CSMD1: variants seen among roughly 807,000 people sequenced by gnomAD.
CSMD1 encodes the protein CUB and Sushi multiple domains 1.
CSMD1 carries 213 observed loss-of-function variants against 417.5 expected under a neutral mutation model. The observed-to-expected ratio is 0.51, with a 90% CI of 0.46 to 0.57. The LOEUF (loss-of-function observed/expected upper bound fraction) is 0.57, where lower values mean the gene tolerates loss of function less well. CSMD1 is among the 20% of genes least tolerant of loss of function. The pLI, the probability that CSMD1 is intolerant of heterozygous loss-of-function variation, is 0.00. For synonymous variants in CSMD1, 2,862 were observed against 1,736.8 expected (o/e 1.65, Z -16.11); for missense variants, 6,923 against 4,529.7 (o/e 1.53, Z -15.17).
At chr8:3,745,623 C>A (rs1157909860) in intron 6 of CSMD1, among the ~76,000 whole-genome samples, 1 of 152,206 alleles carries the variant, frequency 6.6e-6, no homozygotes, top group Non-Finnish European at 1.5e-5. Context: ...GAGCACTCCA[C>A]TGAGACTCTG....
intron 49 of CSMD1, among the ~76,000 whole-genome samples, chr8:3,084,935 G>A (rs1814414331): frequency 6.6e-6 from 1 of 151,246 alleles, no homozygotes; most frequent in Non-Finnish European, 1.5e-5. Flanking sequence ...TATATATAAT[G>A]AAAATAATTT....
chr8:4,008,531 G>A (rs1051993501), intron 4 of CSMD1, among the ~76,000 whole-genome samples: 2 of 142,366 alleles, frequency 1.4e-5, no homozygotes, highest in African/African-American at 5.2e-5. Context: ...ATTGTTGAAA[G>A]TTACAGATAA....
chr8:4,684,045 A>T (rs750532791), intron 1 of CSMD1, among the ~76,000 whole-genome samples: 19 of 152,334 alleles, frequency 1.2e-4, no homozygotes, highest in Non-Finnish European at 2.5e-4. Flanking sequence ...ATGGCATTTT[A>T]CAATTTTTGT....
chr8:4,842,484 G>A (rs1563563024), intron 1 of CSMD1, among the ~76,000 whole-genome samples: 1 of 152,142 alleles, frequency 6.6e-6, no homozygotes, highest in African/African-American at 2.4e-5. Context: ...CAGATGCAAT[G>A]GATAGTTTCA....
At chr8:4,456,836 G>T (rs938863360) in intron 2 of CSMD1, among the ~76,000 whole-genome samples, 1 of 152,020 alleles carries the variant, frequency 6.6e-6, no homozygotes. Flanking sequence ...GTACCTGCAG[G>T]ACCCATCCTG....
intron 7 of CSMD1, among the ~76,000 whole-genome samples, chr8:3,653,791 G>T (rs566662472): frequency 6.6e-6 from 1 of 152,120 alleles, no homozygotes; most frequent in Admixed American, 6.6e-5. Flanking sequence ...TCCCTAACTC[G>T]TGACACAAGT....
chr8:3,112,120 T>A (rs909703958), intron 42 of CSMD1, among the ~76,000 whole-genome samples: 4 of 151,080 alleles, frequency 2.6e-5, no homozygotes, highest in Admixed American at 2.0e-4. Context: ...AGGGTCTGCA[T>A]CTCCTCCCAC....
At chr8:4,909,807 C>G (rs890890072) in intron 1 of CSMD1, among the ~76,000 whole-genome samples, 3 of 152,158 alleles carry the variant, frequency 2.0e-5, no homozygotes, top group African/African-American at 7.2e-5. Context: ...GTGGACCCAC[C>G]TGTCCTTCAT....
chr8:4,648,995 A>G (rs1443044668), intron 1 of CSMD1, among the ~76,000 whole-genome samples: 1 of 152,218 alleles, frequency 6.6e-6, no homozygotes, highest in African/African-American at 2.4e-5. Context: ...TGCCTTCAAT[A>G]AACATATCTA....
intron 41 of CSMD1, among the ~76,000 whole-genome samples, chr8:3,132,761 T>G (rs536986472): frequency 6.6e-6 from 1 of 152,274 alleles, no homozygotes; most frequent in East Asian, 1.9e-4. Flanking sequence ...TCCCTCACTC[T>G]CTCCTAATTT....
intron 2 of CSMD1, among the ~76,000 whole-genome samples, chr8:4,544,912 T>G (rs75631245): frequency 0.013 from 2,025 of 152,354 alleles, 13 homozygotes; most frequent in Middle Eastern, 0.027. Context: ...ATGTTCCACT[T>G]ACATTGAAAT....
rs73500665 is a variant in CSMD1, at chr8:4,287,612, T to C, written c.415+132341A>G. Among the ~76,000 whole-genome samples the C allele has an allele frequency of 2.4e-3, 368 of 151,962 alleles. 2 individuals are homozygous for C. Among genetic ancestry groups the C allele is most frequent in the African/African-American group, 8.6e-3 (356 of 41,494 alleles). On this transcript the variant is annotated intron_variant, in intron 3 of 69. Transcript: ENST00000635120. ...CTTCCAGGGACCAGGTTAAGTACTTTACATAACCTTAATTAAATGCTGGCT... is the reference window on the plus strand; with the variant it reads ...CTTCCAGGGACCAGGTTAAGTACTTCACATAACCTTAATTAAATGCTGGCT...
intron 1 of CSMD1, among the ~76,000 whole-genome samples, chr8:4,898,892 T>C (rs1016642582): frequency 1.3e-5 from 2 of 152,302 alleles, no homozygotes; most frequent in Non-Finnish European, 2.9e-5. Flanking sequence ...GCTAGATACA[T>C]TATTTATCGT....
chr8:3,696,307 C>A (rs570646120), intron 7 of CSMD1, among the ~76,000 whole-genome samples: 1 of 152,194 alleles, frequency 6.6e-6, no homozygotes, highest in Non-Finnish European at 1.5e-5. Flanking sequence ...AAATATGGTG[C>A]CTTCCATCTC....
chr8:4,235,904 G>C (rs1802019345), intron 3 of CSMD1, among the ~76,000 whole-genome samples: 1 of 152,156 alleles, frequency 6.6e-6, no homozygotes, highest in Admixed American at 6.5e-5. Flanking sequence ...CCGTAGCTGA[G>C]CCGCAGCTTC....
At chr8:4,033,518 G>C in intron 3 of CSMD1, among the ~76,000 whole-genome samples, 1 of 152,100 alleles carries the variant, frequency 6.6e-6, no homozygotes, top group East Asian at 1.9e-4. Flanking sequence ...CAGTTGTCCC[G>C]CCTTTCCAGA....
intron 1 of CSMD1, among the ~76,000 whole-genome samples, chr8:4,979,426 C>T (rs1447487253): frequency 1.3e-5 from 2 of 152,060 alleles, no homozygotes; most frequent in Admixed American, 6.6e-5. Flanking sequence ...AGACGGAACT[C>T]GAGCTTACTT....
chr8:3,808,140 T>C (rs556292323), intron 5 of CSMD1, among the ~76,000 whole-genome samples: 4 of 152,298 alleles, frequency 2.6e-5, no homozygotes, highest in African/African-American at 9.6e-5. Context: ...CTCTGTGAAA[T>C]CATCTATAAT....
intron 3 of CSMD1, among the ~76,000 whole-genome samples, chr8:4,033,577 C>G (rs563845772): frequency 4.6e-5 from 7 of 152,204 alleles, no homozygotes; most frequent in African/African-American, 1.7e-4. Context: ...TTATGTCTCC[C>G]TACAATGTGT....
Sources: allele counts gnomAD v4.1 joint callset (sites outside exome capture counted in the v4.1 genomes callset), GRCh38; gene constraint gnomAD v4.1.1; transcripts MANE v1.5; gene names NCBI Gene and HGNC (gene_info 2026-07-23, HGNC 2026-07-21).